SNCAIP: variants seen among roughly 807,000 people sequenced by gnomAD.
The protein encoded by SNCAIP is synphilin-1.
In SNCAIP, 43 loss-of-function variants were observed where a neutral mutation model predicts 86.7. The observed-to-expected ratio is 0.50, with a 90% CI of 0.39 to 0.64. The LOEUF is 0.64. Ranked by LOEUF, SNCAIP falls within the 30% of genes least tolerant of loss-of-function variation. SNCAIP has a pLI of 0.00. For synonymous variants in SNCAIP, 417 were observed against 427.2 expected, an observed-to-expected ratio of 0.98 and a Z score of 0.29; for missense variants, 981 against 1,103.1, an observed-to-expected ratio of 0.89 and a Z score of 1.57.
chr5:122,334,371 T>C (rs1363153997), intron 1 of SNCAIP, among the ~76,000 whole-genome samples: 3 of 152,156 alleles, frequency 2.0e-5, no homozygotes, highest in African/African-American at 7.2e-5. Flanking sequence ...GAACCTCAGA[T>C]TCAAGTTCGT....
At chr5:122,454,635 T>G (rs1198035861) in intron 10 of SNCAIP, 1 of 152,716 alleles carries the variant, frequency 6.5e-6, no homozygotes, top group Non-Finnish European at 1.5e-5. Flanking sequence ...TGTCCCCATC[T>G]TGGGAGGAAT....
At chr5:122,379,604 C>G (rs1485064166) in intron 1 of SNCAIP, among the ~76,000 whole-genome samples, 4 of 150,858 alleles carry the variant, frequency 2.7e-5, no homozygotes, top group African/African-American at 9.7e-5. Flanking sequence ...GAGAGGGCAT[C>G]CCTGTCTTGT....
chr5:122,347,107 A>G (rs1349434535), intron 1 of SNCAIP, among the ~76,000 whole-genome samples: 2 of 152,106 alleles, frequency 1.3e-5, no homozygotes, highest in South Asian at 2.1e-4. Flanking sequence ...AGATAATTCA[A>G]TGTTTTAATG....
chr5:122,353,135 G>A (rs917165847), intron 1 of SNCAIP, among the ~76,000 whole-genome samples: 1 of 152,084 alleles, frequency 6.6e-6, no homozygotes, highest in African/African-American at 2.4e-5. Flanking sequence ...GAATTTTAGA[G>A]CCAGAAGGAA....
chr5:122,318,536 ATG>A (rs1752280717), intron 1 of SNCAIP, among the ~76,000 whole-genome samples: 1 of 152,178 alleles, frequency 6.6e-6, no homozygotes, highest in African/African-American at 2.4e-5. Context: ...TGAGAGAAAA[ATG>A]TGTGTTGAAT....
chr5:122,429,509 G>A (rs1777975005), intron 5 of SNCAIP, among the ~76,000 whole-genome samples: 1 of 150,284 alleles, frequency 6.7e-6, no homozygotes, highest in Admixed American at 6.6e-5. Context: ...AATCAGAAAT[G>A]TTGCCTCACA....
In SNCAIP at chr5:122,425,395, A is replaced by G. The variant is rs994581070; in HGVS notation, c.1046A>G (p.Asn349Ser). 9 of 1,614,112 alleles carry G rather than the reference A, an allele frequency of 5.6e-6. No homozygotes were observed. The highest frequency in any genetic ancestry group is 5.0e-5 in the Admixed American group (3 of 60,028). ...ADNLDKIHDE[N>S]GNNLLHIAAS... Reference sequence around the variant, plus strand: ...AATCTAGACAAAATTCACGACGAAAATGGAAACAATCTATTACATATTGCG... The same window carrying G: ...AATCTAGACAAAATTCACGACGAAAGTGGAAACAATCTATTACATATTGCG... The change falls in exon 5 of 11, where the codon AAT becomes AGT. Residue 349 changes from asparagine (N) to serine (S), a missense_variant. By Grantham distance (46) the Asn-to-Ser change is conservative (BLOSUM62 1). Transcript: ENST00000261368.
At chr5:122,363,564 G>A (rs1030548606) in intron 1 of SNCAIP, among the ~76,000 whole-genome samples, 39 of 152,046 alleles carry the variant, frequency 2.6e-4, no homozygotes, top group Admixed American at 9.2e-4. Flanking sequence ...TAGAACAGAT[G>A]TAAACACAAG....
Position 122,382,496 on chromosome 5 carries a change from C to A in SNCAIP, c.-46-8593C>A, listed in dbSNP as rs545724930. 2.6e-4 allele frequency among the ~76,000 whole-genome samples: 40 copies of A among 152,292 alleles called. 2 individuals carry two copies. The South Asian group carries it at 8.1e-3, about 31-fold the overall frequency. Reference sequence around the variant, plus strand: ...CTTTGCCTTTGGTTTGAATGTCCTCCCGTAGCTCAGAGTAATTTGATCGTC... The same window carrying A: ...CTTTGCCTTTGGTTTGAATGTCCTCACGTAGCTCAGAGTAATTTGATCGTC... On this transcript the variant is annotated intron_variant, in intron 1 of 10. Coordinates refer to ENST00000261368, the MANE Select transcript of SNCAIP (RefSeq NM_005460.4).
intron 3 of SNCAIP, among the ~76,000 whole-genome samples, chr5:122,413,381 T>G (rs1774554807): frequency 6.6e-6 from 1 of 152,188 alleles, no homozygotes; most frequent in South Asian, 2.1e-4. Flanking sequence ...ATCTTTCCTC[T>G]TATATTATCT....
chr5:122,456,080 A>G (rs1188420396), intron 10 of SNCAIP, among the ~76,000 whole-genome samples: 1 of 152,222 alleles, frequency 6.6e-6, no homozygotes, highest in African/African-American at 2.4e-5. Flanking sequence ...AGTTACTGAT[A>G]GGCAAAAGGG....
At chr5:122,371,006 G>A (rs1439936575) in intron 1 of SNCAIP, among the ~76,000 whole-genome samples, 4 of 152,078 alleles carry the variant, frequency 2.6e-5, no homozygotes, top group Non-Finnish European at 4.4e-5. Flanking sequence ...TTCTTAAACT[G>A]CTCTACAGAG....
At chr5:122,390,073 T>G (rs1769025455) in intron 1 of SNCAIP, among the ~76,000 whole-genome samples, 1 of 152,176 alleles carries the variant, frequency 6.6e-6, no homozygotes, top group South Asian at 2.1e-4. Flanking sequence ...TTTCCAGTAA[T>G]GCACTCCTTA....
At chr5:122,456,999 G>A (rs1784910883) in intron 10 of SNCAIP, among the ~76,000 whole-genome samples, 1 of 150,956 alleles carries the variant, frequency 6.6e-6, no homozygotes, top group African/African-American at 2.4e-5. Context: ...TTTTATTTTT[G>A]TTTTGTTTTG....
chr5:122,452,983 G>A (rs148292064), intron 10 of SNCAIP: 65 of 1,545,738 alleles, frequency 4.2e-5, no homozygotes, highest in Non-Finnish European at 5.3e-5. Flanking sequence ...GAGCATCTGT[G>A]TAACGACACA....
chr5:122,347,378 T>G (rs1758822667), intron 1 of SNCAIP, among the ~76,000 whole-genome samples: 1 of 151,166 alleles, frequency 6.6e-6, no homozygotes, highest in South Asian at 2.1e-4. Context: ...AGGAGTGCTT[T>G]AGGGAGTGAT....
At chr5:122,452,341 C>T (rs1581399881) in intron 10 of SNCAIP, among the ~76,000 whole-genome samples, 3 of 152,140 alleles carry the variant, frequency 2.0e-5, no homozygotes, top group Admixed American at 2.0e-4. Flanking sequence ...CTTGCCATGC[C>T]ATTAAAAAAT....
At chr5:122,448,611 ATT>A (rs1207222223) in intron 8 of SNCAIP, among the ~76,000 whole-genome samples, 1 of 140,212 alleles carries the variant, frequency 7.1e-6, no homozygotes, top group African/African-American at 2.6e-5. Context: ...TATTATATAT[ATT>A]TTTATATATA....
chr5:122,436,792 T>C (rs1037870922), intron 6 of SNCAIP: 2 of 152,174 alleles, frequency 1.3e-5, no homozygotes, highest in Non-Finnish European at 2.9e-5. Flanking sequence ...CCAGCAAATC[T>C]CATAAATCAC....
Sources: gnomAD v4.1 joint callset for allele counts (sites outside exome capture counted in the v4.1 genomes callset) on GRCh38, gnomAD v4.1.1 for gene constraint, MANE v1.5 for transcripts, NCBI Gene and HGNC (gene_info 2026-07-23, HGNC 2026-07-21) for gene names.